Variants in MYO16 observed in about 807,000 individuals in gnomAD.
The protein encoded by MYO16 is myosin XVI.
A neutral mutation model predicts 205.3 loss-of-function variants in MYO16; 94 were observed. The observed-to-expected ratio is 0.46, with a 90% confidence interval of 0.39 to 0.54. The LOEUF is 0.54. MYO16 is among the 20% of genes least tolerant of loss of function. The probability of loss-of-function intolerance (pLI) is 0.00; values close to 1 mark genes in which losing one functional copy is unlikely to be tolerated. For synonymous variants in MYO16, 988 were observed against 954.0 expected, an observed-to-expected ratio of 1.04 and a Z score of -0.66; for missense variants, 2,315 against 2,387.5, an observed-to-expected ratio of 0.97 and a Z score of 0.63.
At chr13:108,803,797 A>G (rs1237465330) in intron 6 of MYO16, among the ~76,000 whole-genome samples, 5 of 152,308 alleles carry the variant, frequency 3.3e-5, no homozygotes, top group African/African-American at 1.2e-4. Flanking sequence ...GACTGCCTGC[A>G]CTGATGGAGA....
Position 109,162,480 on chromosome 13 carries a change from T to C in MYO16, c.5165-2421T>C, listed in dbSNP as rs1321460790. ...ATTTACACATGGTGTGGAGGTTGCC[T>C]TTCTAAAATCACGAGCTGAAATGCA... On this transcript the variant is annotated intron_variant, in intron 32 of 34. Coordinates refer to ENST00000457511, the MANE Select transcript of MYO16 (RefSeq NM_001198950.3). This position sits in a 1 kb window ranked among gnomAD's most constrained non-coding sequence, Gnocchi z 4.6. Among the ~76,000 whole-genome samples the C allele has an allele frequency of 1.3e-5, 2 of 152,202 alleles. No homozygotes were observed. The highest frequency in any genetic ancestry group is 2.9e-5 in the Non-Finnish European group (2 of 68,050).
At chr13:108,572,972 C>G in the MYO16 span, among the ~76,000 whole-genome samples, 1 of 152,148 alleles carries the variant, frequency 6.6e-6, no homozygotes, top group African/African-American at 2.4e-5. Flanking sequence ...GTCTTTCATT[C>G]TGTGACTCAG....
chr13:108,801,424 A>G (rs1343362860), intron 6 of MYO16, among the ~76,000 whole-genome samples: 1 of 152,230 alleles, frequency 6.6e-6, no homozygotes, highest in African/African-American at 2.4e-5. Context: ...AAAAATGCTC[A>G]TTATTTTAGA....
intron 15 of MYO16, among the ~76,000 whole-genome samples, chr13:108,906,161 T>G (rs1880967387): frequency 6.6e-6 from 1 of 152,166 alleles, no homozygotes; most frequent in Non-Finnish European, 1.5e-5. Context: ...TTTCTTTCAC[T>G]TTTATTTCAA....
intron 20 of MYO16, among the ~76,000 whole-genome samples, chr13:108,990,531 TTTG>T (rs1261186426): frequency 1.3e-5 from 2 of 151,732 alleles, no homozygotes; most frequent in African/African-American, 4.8e-5. Flanking sequence ...AAAAATTGCA[TTTG>T]TTTTCTTATA....
intron 7 of MYO16, among the ~76,000 whole-genome samples, chr13:108,819,500 A>G (rs1449605224): frequency 6.6e-6 from 1 of 152,138 alleles, no homozygotes; most frequent in African/African-American, 2.4e-5. Flanking sequence ...ATAGTGGCCA[A>G]CTCTGGGAAA....
the MYO16 span, among the ~76,000 whole-genome samples, chr13:108,565,444 A>G: frequency 6.6e-6 from 1 of 152,086 alleles, no homozygotes; most frequent in Non-Finnish European, 1.5e-5. Context: ...GGTTATTGCA[A>G]ATGGGATTAC....
At chr13:109,016,637 G>A (rs913989138) in intron 22 of MYO16, among the ~76,000 whole-genome samples, 1 of 152,048 alleles carries the variant, frequency 6.6e-6, no homozygotes, top group Non-Finnish European at 1.5e-5. Flanking sequence ...ATGAATCTAG[G>A]TGCTCTTGTA....
intron 20 of MYO16, among the ~76,000 whole-genome samples, chr13:108,977,947 A>AT (rs1279524922): frequency 6.6e-6 from 1 of 151,860 alleles, no homozygotes; most frequent in Non-Finnish European, 1.5e-5. Context: ...TAGGCTATTG[A>AT]TTTTTTTCTT....
At chr13:108,793,311 CAA>C (rs1348990355) in intron 5 of MYO16, among the ~76,000 whole-genome samples, 42 of 144,132 alleles carry the variant, frequency 2.9e-4, no homozygotes, top group African/African-American at 4.7e-4. Flanking sequence ...AAAAACATAA[CAA>C]GAGATAATTT....
chr13:108,601,942 A>G (rs902223936), intron 1 of MYO16, among the ~76,000 whole-genome samples: 3 of 152,014 alleles, frequency 2.0e-5, no homozygotes, highest in Non-Finnish European at 2.9e-5. Flanking sequence ...AACCAAATTC[A>G]TATGTTGAAC....
chr13:108,587,525 C>G, the MYO16 span, among the ~76,000 whole-genome samples: 1 of 152,064 alleles, frequency 6.6e-6, no homozygotes, highest in South Asian at 2.1e-4. Flanking sequence ...GTTTTAAATT[C>G]AACAGCAAGT....
At chr13:108,829,224 A>C (rs1876465248) in intron 9 of MYO16, among the ~76,000 whole-genome samples, 1 of 152,180 alleles carries the variant, frequency 6.6e-6, no homozygotes, top group East Asian at 1.9e-4. Flanking sequence ...TAGTAATAAT[A>C]ACTGTATCTT....
Position 108,771,143 on chromosome 13 carries a change from C to T in MYO16, c.508-14492C>T, listed in dbSNP as rs569578759. Among the ~76,000 whole-genome samples the T allele has an allele frequency of 3.3e-5, 5 of 152,028 alleles. No individual in the cohort carries two copies. The South Asian group carries it at 6.2e-4, about 19-fold the overall frequency. ...GTCCTCTCAGTGGGGAGAGGTAGGGCGTAGAGGATAGTTCTCACTTTATCA... is the reference window on the plus strand; with the variant it reads ...GTCCTCTCAGTGGGGAGAGGTAGGGTGTAGAGGATAGTTCTCACTTTATCA... On this transcript the variant is annotated intron_variant, in intron 4 of 34. Coordinates refer to ENST00000457511, the MANE Select transcript of MYO16 (RefSeq NM_001198950.3).
chr13:109,022,141 ATT>A (rs1384024640), intron 23 of MYO16, among the ~76,000 whole-genome samples: 1 of 90,574 alleles, frequency 1.1e-5, no homozygotes, highest in Non-Finnish European at 2.1e-5. Context: ...ACATATATAT[ATT>A]TATATATACA....
intron 27 of MYO16, among the ~76,000 whole-genome samples, chr13:109,087,483 T>C (rs1019897061): frequency 6.6e-6 from 1 of 152,152 alleles, no homozygotes; most frequent in African/African-American, 2.4e-5. Context: ...CTGTCTCTAC[T>C]AAAAATACAA....
At chr13:109,128,748 A>G (rs1876385254) in intron 31 of MYO16, among the ~76,000 whole-genome samples, 1 of 151,020 alleles carries the variant, frequency 6.6e-6, no homozygotes, top group Admixed American at 6.6e-5. Context: ...TGCTGAGAGC[A>G]CTTAGTGTCC....
At chr13:108,941,774 A>G (rs1465887819) in intron 16 of MYO16, among the ~76,000 whole-genome samples, 1 of 152,030 alleles carries the variant, frequency 6.6e-6, no homozygotes, top group Admixed American at 6.5e-5. Context: ...TTGTTTTCTT[A>G]AAGAGTTTTC....
At chr13:108,826,783 CTACAT>C (rs1736509446) in intron 9 of MYO16, among the ~76,000 whole-genome samples, 1 of 152,058 alleles carries the variant, frequency 6.6e-6, no homozygotes. Context: ...CAAAAATACT[CTACAT>C]TATTTATCAG....
Sources: gnomAD v4.1 joint callset for allele counts (sites outside exome capture counted in the v4.1 genomes callset) on GRCh38, gnomAD v4.1.1 for gene constraint, Gnocchi (gnomAD v3.1) non-coding constraint, MANE v1.5 for transcripts, NCBI Gene and HGNC (gene_info 2026-07-23, HGNC 2026-07-21) for gene names.